SDK1: variants seen among roughly 807,000 people sequenced by gnomAD.
SDK1 encodes sidekick cell adhesion molecule 1.
SDK1 carries 157 observed loss-of-function variants against 245.5 expected under a neutral mutation model. The observed-to-expected ratio is 0.64, with a 90% CI of 0.56 to 0.73. The LOEUF is 0.73. Ranked by LOEUF, SDK1 falls within the 30% of genes least tolerant of loss-of-function variation. The probability of loss-of-function intolerance (pLI) is 0.00; values close to 1 mark genes in which losing one functional copy is unlikely to be tolerated. For synonymous variants in SDK1, 1,647 were observed against 1,278.5 expected, an observed-to-expected ratio of 1.29 and a Z score of -6.15; for missense variants, 3,583 against 3,002.3, an observed-to-expected ratio of 1.19 and a Z score of -4.52.
intron 22 of SDK1, among the ~76,000 whole-genome samples, chr7:4,095,446 G>A (rs544425897): frequency 1.3e-5 from 2 of 152,342 alleles, no homozygotes; most frequent in South Asian, 4.1e-4. Flanking sequence ...ATGGTAAGAT[G>A]TCACTTTAGT....
In SDK1 at chr7:4,095,739, A is replaced by T. The variant is rs557334709; in HGVS notation, c.3325-14924A>T. On this transcript the variant is annotated intron_variant, in intron 22 of 44. Coordinates refer to ENST00000404826, the MANE Select transcript of SDK1 (RefSeq NM_152744.4). ...AGGCACTCGCCACCACACCTGGCTAATTTTTTGTATTTTTAGTAGAGATGG... is the reference window on the plus strand; with the variant it reads ...AGGCACTCGCCACCACACCTGGCTATTTTTTTGTATTTTTAGTAGAGATGG... Among the ~76,000 whole-genome samples, 7 of 151,958 alleles carry T rather than the reference A, an allele frequency of 4.6e-5. No individual in the cohort carries two copies. The South Asian group carries it at 1.5e-3, about 32-fold the overall frequency.
chr7:3,345,705 C>A (rs964357111), intron 1 of SDK1, among the ~76,000 whole-genome samples: 1 of 152,166 alleles, frequency 6.6e-6, no homozygotes, highest in African/African-American at 2.4e-5. Context: ...TTTTCCCAGG[C>A]GATGCCTTGC....
chr7:4,197,451 G>T (rs1016162261), intron 35 of SDK1, among the ~76,000 whole-genome samples: 1 of 152,136 alleles, frequency 6.6e-6, no homozygotes, highest in East Asian at 1.9e-4. Context: ...TGGTGCCACT[G>T]CACTCCAGTC....
At chr7:3,552,907 G>C (rs1230936538) in intron 1 of SDK1, among the ~76,000 whole-genome samples, 1 of 152,152 alleles carries the variant, frequency 6.6e-6, no homozygotes, top group Non-Finnish European at 1.5e-5. Flanking sequence ...TCTGAAGATT[G>C]TGCAGAAGAT....
chr7:3,333,180 G>C (rs529031556), intron 1 of SDK1, among the ~76,000 whole-genome samples: 1 of 152,162 alleles, frequency 6.6e-6, no homozygotes, highest in African/African-American at 2.4e-5. Context: ...TTTGTCGGGG[G>C]AGGGAGGGTA....
At chr7:3,993,957 C>T (rs1008009189) in intron 14 of SDK1, among the ~76,000 whole-genome samples, 2 of 152,216 alleles carry the variant, frequency 1.3e-5, no homozygotes, top group South Asian at 2.1e-4. Context: ...CCCACACAGA[C>T]CTCCTTGTTC....
chr7:4,219,982 A>G, intron 38 of SDK1, 127 bp from the exon 39 acceptor site: 1 of 1,137,648 alleles, frequency 8.8e-7, no homozygotes, highest in South Asian at 1.6e-5. Context: ...ATAAACTCCT[A>G]ATAGTAAGAA....
intron 17 of SDK1, among the ~76,000 whole-genome samples, chr7:4,023,773 T>G (rs1787119851): frequency 6.6e-6 from 1 of 152,198 alleles, no homozygotes; most frequent in East Asian, 1.9e-4. Flanking sequence ...GCTCACAAAT[T>G]CAGTTTTTGT....
rs192954495 is a variant in SDK1 at position 3,734,418 on chromosome 7, T to C, written c.714-87032T>C. ...ACTTCTACCCCAAATTAATAATAGGTCCTGAAATCCATTTTTAGACTTTAA... is the reference window on the plus strand; with the variant it reads ...ACTTCTACCCCAAATTAATAATAGGCCCTGAAATCCATTTTTAGACTTTAA... On this transcript the variant is annotated intron_variant, in intron 4 of 44. Coordinates refer to ENST00000404826, the MANE Select transcript of SDK1 (RefSeq NM_152744.4). Among the ~76,000 whole-genome samples, 251 of 152,318 alleles carry C rather than the reference T, an allele frequency of 1.6e-3. 2 individuals carry two copies. Among genetic ancestry groups the C allele is most frequent in the Non-Finnish European group, 2.8e-3 (191 of 68,032 alleles).
At chr7:3,434,900 A>C (rs971394485) in intron 1 of SDK1, among the ~76,000 whole-genome samples, 3 of 152,182 alleles carry the variant, frequency 2.0e-5, no homozygotes, top group Admixed American at 2.0e-4. Flanking sequence ...ATTTCATCGC[A>C]GTGTTTATTT....
Position 3,948,541 on chromosome 7 carries a change from C to T in SDK1, c.848-2382C>T, listed in dbSNP as rs183397641. On this transcript the variant is annotated intron_variant, in intron 5 of 44. Coordinates refer to ENST00000404826, the MANE Select transcript of SDK1 (RefSeq NM_152744.4). ...CCTCCCAAAGTGCTGGGATGACAGG[C>T]GTGAGCCACCGCGCCCGGCCACCAC... Among the ~76,000 whole-genome samples, 257 of 152,274 alleles carry T rather than the reference C, an allele frequency of 1.7e-3. 2 individuals carry two copies. Among genetic ancestry groups the T allele is most frequent in the African/African-American group, 5.3e-3 (222 of 41,562 alleles).
At chr7:3,994,053 A>C (rs1230295248) in intron 14 of SDK1, among the ~76,000 whole-genome samples, 1 of 151,806 alleles carries the variant, frequency 6.6e-6, no homozygotes, top group Admixed American at 6.6e-5. Context: ...TGAAGGCTCT[A>C]TTTCCCCTCC....
chr7:3,876,638 C>T (rs1312045008), intron 5 of SDK1, among the ~76,000 whole-genome samples: 2 of 152,132 alleles, frequency 1.3e-5, no homozygotes, highest in African/African-American at 4.8e-5. Context: ...TTTCATATTT[C>T]AAAACCTAAA....
Position 4,130,092 on chromosome 7 carries a change from A to T in SDK1, c.4124A>T (p.Asp1375Val). 1 of 1,599,764 alleles carries T rather than the reference A, an allele frequency of 6.3e-7. No individual in the cohort carries two copies. Among genetic ancestry groups the T allele is most frequent in the South Asian group, 1.1e-5 (1 of 89,996 alleles). Residue 1375 changes from aspartate (D) to valine (V), a missense_variant, in exon 27 of 45, where the codon GAC becomes GTC. Coordinates refer to ENST00000404826, the MANE Select transcript of SDK1 (RefSeq NM_152744.4). ...CCCCTCATCCTGGAGCGCACCAAAG[A>T]CGATGGTAGGTCCAGGGTTCGCGCC... The part of the protein sequence containing the change: ...STPLILERTK[D>V]DAPGPPVRLV...
At chr7:3,880,365 C>G (rs1781176972) in intron 5 of SDK1, among the ~76,000 whole-genome samples, 1 of 152,120 alleles carries the variant, frequency 6.6e-6, no homozygotes, top group African/African-American at 2.4e-5. Flanking sequence ...GGGCCCAAGC[C>G]CTGATTAGCG....
At chr7:3,471,571 T>C (rs547881227) in intron 1 of SDK1, among the ~76,000 whole-genome samples, 1 of 152,298 alleles carries the variant, frequency 6.6e-6, no homozygotes, top group South Asian at 2.1e-4. Flanking sequence ...TTAGACGCAA[T>C]TCAATTTTGC....
At chr7:4,226,406 G>T (rs1439236105) in intron 40 of SDK1, among the ~76,000 whole-genome samples, 5 of 152,222 alleles carry the variant, frequency 3.3e-5, no homozygotes, top group African/African-American at 1.2e-4. Flanking sequence ...GCAGAGGGTG[G>T]CCAGCGGGCC....
chr7:3,323,961 T>C (rs1314099819), intron 1 of SDK1, among the ~76,000 whole-genome samples: 1 of 152,218 alleles, frequency 6.6e-6, no homozygotes, highest in African/African-American at 2.4e-5. Flanking sequence ...CCTATGTCCA[T>C]TTCTTTAAGC....
intron 16 of SDK1, among the ~76,000 whole-genome samples, chr7:4,014,111 A>G (rs949345420): frequency 6.6e-6 from 1 of 152,242 alleles, no homozygotes; most frequent in African/African-American, 2.4e-5. Flanking sequence ...CAGGCCTGTC[A>G]TCCCTCTGCC....
Sources: gnomAD v4.1 joint callset for allele counts (sites outside exome capture counted in the v4.1 genomes callset) on GRCh38, gnomAD v4.1.1 for gene constraint, MANE v1.5 for transcripts, NCBI Gene and HGNC (gene_info 2026-07-23, HGNC 2026-07-21) for gene names.